TYW1B: variants seen among roughly 807,000 people sequenced by gnomAD.
TYW1B encodes the protein tRNA-yW synthesizing protein 1 homolog B, also known as S-adenosyl-L-methionine-dependent tRNA 4-demethylwyosine synthase TYW1B.
TYW1B carries 73 observed loss-of-function variants against 86.9 expected under a neutral mutation model. The observed-to-expected ratio is 0.84, with a 90% CI of 0.70 to 1.02. The LOEUF (loss-of-function observed/expected upper bound fraction) is 1.02, where lower values mean the gene tolerates loss of function less well. Ranked by LOEUF, TYW1B falls within the 50% of genes least tolerant of loss-of-function variation. TYW1B has a pLI of 0.00. For missense variants in TYW1B, 637 were observed against 827.4 expected (o/e 0.77, Z 2.82); for synonymous variants, 248 against 292.8 (o/e 0.85, Z 1.56).
intron 2 of TYW1B, among the ~76,000 whole-genome samples, chr7:72,825,926 C>T (rs1270888390): frequency 2.0e-5 from 3 of 151,988 alleles, no homozygotes; most frequent in Non-Finnish European, 4.4e-5. Flanking sequence ...CGCCTACCAT[C>T]GCAGAAAGGA....
intron 7 of TYW1B, among the ~76,000 whole-genome samples, chr7:72,764,799 G>A (rs66731238): frequency 0.09 from 13,760 of 152,154 alleles, 888 homozygotes; most frequent in Middle Eastern, 0.19. Flanking sequence ...TGATGATGAT[G>A]ATGTGTTTGT....
chr7:72,687,401 T>C (rs1185533776), intron 11 of TYW1B, among the ~76,000 whole-genome samples: 1 of 152,212 alleles, frequency 6.6e-6, no homozygotes, highest in Non-Finnish European at 1.5e-5. Context: ...ACCATTGCAC[T>C]CCAGCCTGGG....
intron 3 of TYW1B, among the ~76,000 whole-genome samples, chr7:72,812,700 GGT>G (rs1491357298): frequency 6.6e-6 from 1 of 151,130 alleles, no homozygotes; most frequent in East Asian, 1.9e-4. Flanking sequence ...TGCCTTTTGG[GGT>G]TTTTTTTTTT....
rs570694040 is a variant in TYW1B, at chr7:72,808,077, C to T, written c.433-721G>A. On this transcript the variant is annotated intron_variant, in intron 4 of 13. Coordinates refer to ENST00000620995, the MANE Select transcript of TYW1B (RefSeq NM_001145440.3). ...TTGTGCCATTGCACTCCAGCCTGGGCAAGAGAGTGACTCTGTCTCAAAAAA... is the reference window on the plus strand; with the variant it reads ...TTGTGCCATTGCACTCCAGCCTGGGTAAGAGAGTGACTCTGTCTCAAAAAA... Among the ~76,000 whole-genome samples the T allele has an allele frequency of 2.0e-4, 27 of 136,930 alleles. No individual in the cohort carries two copies. The South Asian group carries it at 6.2e-3, about 32-fold the overall frequency. The allele number at this position is 136,930 out of a possible 152,430, so 89.8% of individuals were successfully genotyped here.
At chr7:72,680,165 G>A (rs3015918) in intron 11 of TYW1B, among the ~76,000 whole-genome samples, 75,231 of 149,100 alleles carry the variant, frequency 0.5, 18,540 homozygotes, top group Middle Eastern at 0.63. Flanking sequence ...TTGTATTAAA[G>A]GATGCAAAGT....
At position 72,811,901 on chromosome 7, in the gene TYW1B, G is replaced by A. The variant is rs868960002; in HGVS notation, c.238-1236C>T. Reference sequence around the variant, plus strand: ...CACACTGCACTCCAGCCTGGGCAACGAAGCGAAGACTCCATCTCAAAAAAA... The same window carrying A: ...CACACTGCACTCCAGCCTGGGCAACAAAGCGAAGACTCCATCTCAAAAAAA... On this transcript the variant is annotated intron_variant, in intron 3 of 13. Coordinates refer to ENST00000620995, the MANE Select transcript of TYW1B (RefSeq NM_001145440.3). 7.7e-3 allele frequency among the ~76,000 whole-genome samples: 988 copies of A among 127,856 alleles called. 14 individuals carry two copies. Among genetic ancestry groups the A allele is most frequent in the African/African-American group, 0.027 (909 of 33,218 alleles). 83.9% of individuals were successfully genotyped at this position (127,856 alleles called of 152,430 possible). A position where few individuals can be genotyped will look rare whatever the true frequency, so the allele number is the denominator to read the frequency against.
At chr7:72,605,543 G>A (rs1312537596) in intron 13 of TYW1B, among the ~76,000 whole-genome samples, 1 of 151,976 alleles carries the variant, frequency 6.6e-6, no homozygotes, top group Non-Finnish European at 1.5e-5. Flanking sequence ...TAGTAGAGAT[G>A]GGGTTTCACC....
At chr7:72,615,597 A>T (rs1293888641) in intron 13 of TYW1B, among the ~76,000 whole-genome samples, 1 of 152,208 alleles carries the variant, frequency 6.6e-6, no homozygotes, top group Non-Finnish European at 1.5e-5. Flanking sequence ...GAACCTGCAG[A>T]AATGACAGAC....
intron 1 of TYW1B, among the ~76,000 whole-genome samples, chr7:72,827,866 G>A (rs1554481732): frequency 6.6e-6 from 1 of 152,190 alleles, no homozygotes; most frequent in Non-Finnish European, 1.5e-5. Context: ...GTAGTTTTCT[G>A]TCTAACCCCC....
At chr7:72,811,920 A>AAAC (rs1491376636) in intron 3 of TYW1B, among the ~76,000 whole-genome samples, 1 of 8,990 alleles carries the variant, frequency 1.1e-4, no homozygotes, top group Non-Finnish European at 2.7e-4. Context: ...ACTCCATCTC[A>AAAC]AAAAAAAAAA....
At chr7:72,731,559 C>T (rs763141915) in intron 8 of TYW1B, among the ~76,000 whole-genome samples, 6 of 152,076 alleles carry the variant, frequency 3.9e-5, no homozygotes, top group Non-Finnish European at 7.4e-5. Context: ...AAACACCCAA[C>T]TATTTGTTGC....
At chr7:72,787,642 G>A (rs1373939163) in intron 6 of TYW1B, among the ~76,000 whole-genome samples, 2 of 148,798 alleles carry the variant, frequency 1.3e-5, no homozygotes, top group East Asian at 2.1e-4. Flanking sequence ...GTGGTGGCGC[G>A]TACCTGCAGT....
intron 2 of TYW1B, among the ~76,000 whole-genome samples, chr7:72,818,621 G>A (rs1217698258): frequency 7.0e-6 from 1 of 142,068 alleles, no homozygotes; most frequent in Non-Finnish European, 1.5e-5. Flanking sequence ...AAATACTTGA[G>A]ACTGGGCAAT....
chr7:72,680,886 A>G (rs1411410437), intron 11 of TYW1B, among the ~76,000 whole-genome samples: 1 of 152,242 alleles, frequency 6.6e-6, no homozygotes, highest in Non-Finnish European at 1.5e-5. Context: ...GACTATAGTT[A>G]CAGTGGTACT....
intron 1 of TYW1B, among the ~76,000 whole-genome samples, chr7:72,827,750 G>A (rs1237499795): frequency 6.6e-6 from 1 of 152,032 alleles, no homozygotes; most frequent in East Asian, 1.9e-4. Flanking sequence ...GATATGGAAG[G>A]ACCTGGCTTC....
chr7:72,727,946 T>C (rs536153419), intron 9 of TYW1B, among the ~76,000 whole-genome samples: 1 of 152,308 alleles, frequency 6.6e-6, no homozygotes, highest in Admixed American at 6.5e-5. Flanking sequence ...ATGATAAAGT[T>C]TGAGAACCCG....
Position 72,816,127 on chromosome 7 carries a change from A to C in TYW1B, c.136-646T>G, listed in dbSNP as rs140060969. 7.0e-3 allele frequency among the ~76,000 whole-genome samples: 1,060 copies of C among 152,332 alleles called. 7 individuals are homozygous for C. The highest frequency in any genetic ancestry group is 0.024 in the African/African-American group (1,004 of 41,584). ...CACAGTGGCTCACAACTGTAATCCC[A>C]GTACCTTGGGAGGCCGATGCGGCTG... On this transcript the variant is annotated intron_variant, in intron 2 of 13. Transcript: ENST00000620995.
intron 7 of TYW1B, among the ~76,000 whole-genome samples, chr7:72,774,377 AG>A (rs1278560655): frequency 2.4e-5 from 2 of 84,700 alleles, no homozygotes; most frequent in Non-Finnish European, 5.7e-5. Context: ...ACCTTGTCCC[AG>A]GGGAAAAAAA....
intron 7 of TYW1B, 87 bp downstream of exon 7, chr7:72,777,329 G>C: frequency 6.8e-7 from 1 of 1,479,800 alleles, no homozygotes; most frequent in Non-Finnish European, 9.3e-7. Flanking sequence ...CAGCTGCTGA[G>C]CTAATTAGAG....
Sources: gnomAD v4.1 joint callset for allele counts (sites outside exome capture counted in the v4.1 genomes callset) on GRCh38, gnomAD v4.1.1 for gene constraint, MANE v1.5 for transcripts, NCBI Gene and HGNC (gene_info 2026-07-23, HGNC 2026-07-21) for gene names.